The following GREB1L variants were observed in gnomAD, a reference collection of about 807,000 sequenced individuals.
GREB1L encodes the protein GREB1-like protein.
GREB1L carries 17 observed loss-of-function variants against 200.8 expected under a neutral mutation model. The ratio of observed to expected loss-of-function variants is 0.08; its 90% CI spans 0.06 to 0.13. GREB1L has a LOEUF of 0.13. GREB1L is among the 10% of genes least tolerant of loss of function. GREB1L has a pLI of 1.00. For synonymous variants in GREB1L, 789 were observed against 893.0 expected, an observed-to-expected ratio of 0.88 and a Z score of 2.08; for missense variants, 1,657 against 2,367.7, an observed-to-expected ratio of 0.70 and a Z score of 6.23.
intron 2 of GREB1L, among the ~76,000 whole-genome samples, chr18:21,372,537 T>C (rs1365018421): frequency 3.3e-5 from 5 of 152,226 alleles, no homozygotes; most frequent in African/African-American, 1.2e-4. Flanking sequence ...CTGTCGATAG[T>C]GTATTTTATG....
intron 7 of GREB1L, among the ~76,000 whole-genome samples, chr18:21,425,412 A>G (rs1391197637): frequency 6.6e-6 from 1 of 152,178 alleles, no homozygotes; most frequent in Non-Finnish European, 1.5e-5. Flanking sequence ...TCACATTTCA[A>G]ACCTAGGAGT....
intron 21 of GREB1L, 46 bp from the exon 22 acceptor site, chr18:21,499,683 C>A: frequency 7.2e-7 from 1 of 1,379,402 alleles, no homozygotes; most frequent in South Asian, 1.3e-5. Context: ...CACCCTAGAT[C>A]AGTAACAGAG....
intron 1 of GREB1L, among the ~76,000 whole-genome samples, chr18:21,364,724 G>A (rs78137074): frequency 6.6e-6 from 1 of 152,170 alleles, no homozygotes; most frequent in Non-Finnish European, 1.5e-5. Context: ...TCTTAGCTTT[G>A]AGTGTAATTA....
At chr18:21,404,462 T>C (rs1442971600) in intron 7 of GREB1L, among the ~76,000 whole-genome samples, 1 of 152,196 alleles carries the variant, frequency 6.6e-6, no homozygotes, top group Non-Finnish European at 1.5e-5. Context: ...AGGATCTAGT[T>C]TCTAGTGATA....
At chr18:21,359,970 T>G (rs2143521755) in intron 1 of GREB1L, among the ~76,000 whole-genome samples, 1 of 152,350 alleles carries the variant, frequency 6.6e-6, no homozygotes, top group African/African-American at 2.4e-5. Flanking sequence ...GTAGGAGGGT[T>G]GTTTTTTCTG....
rs962025880 is a variant in GREB1L at position 21,383,783 on chromosome 18, G to A, written c.157+108G>A. ...GCTGGAGTGCAGTGGCGTGATCTCG[G>A]CTCACTGCAACGTCTGCCTCCTGGG... On this transcript the variant is annotated intron_variant, in intron 3 of 32. Coordinates refer to ENST00000424526, the MANE Select transcript of GREB1L (RefSeq NM_001142966.3). 1.6e-5 allele frequency: 17 copies of A among 1,083,672 alleles called. No individual in the cohort carries two copies. The African/African-American group carries it at 2.1e-4, about 13-fold the overall frequency. The allele number at this position is 1,083,672 out of a possible 1,614,324, so 67.1% of individuals were successfully genotyped here.
chr18:21,294,928 G>T (rs2038503641), intron 1 of GREB1L, among the ~76,000 whole-genome samples: 1 of 152,054 alleles, frequency 6.6e-6, no homozygotes, highest in African/African-American at 2.4e-5. Flanking sequence ...TCTCAGTTTG[G>T]CATTGTGATG....
intron 2 of GREB1L, among the ~76,000 whole-genome samples, chr18:21,369,513 C>T (rs975288963): frequency 4.6e-5 from 7 of 151,968 alleles, no homozygotes; most frequent in Admixed American, 1.3e-4. Context: ...CCAGTGGTAA[C>T]GTGTACTTCT....
At chr18:21,429,486 G>C (rs1369286819) in intron 7 of GREB1L, among the ~76,000 whole-genome samples, 1 of 151,510 alleles carries the variant, frequency 6.6e-6, no homozygotes, top group Non-Finnish European at 1.5e-5. Flanking sequence ...GGAATTATAG[G>C]TGCAAACCAT....
intron 1 of GREB1L, among the ~76,000 whole-genome samples, chr18:21,276,924 CTTTTT>C (rs573871373): frequency 8.4e-5 from 9 of 107,654 alleles, no homozygotes; most frequent in African/African-American, 3.6e-4. Context: ...CAGCCCAGCC[CTTTTT>C]TTTTTTTTTT....
At chr18:21,296,715 C>T (rs2038533753) in intron 1 of GREB1L, among the ~76,000 whole-genome samples, 1 of 150,836 alleles carries the variant, frequency 6.6e-6, no homozygotes, top group Admixed American at 6.6e-5. Flanking sequence ...AGTGCAGTGG[C>T]GTGATCTCAG....
chr18:21,255,203 C>T (rs1369961080), intron 1 of GREB1L, among the ~76,000 whole-genome samples: 1 of 152,232 alleles, frequency 6.6e-6, no homozygotes, highest in East Asian at 1.9e-4. Context: ...AATCAGTTGT[C>T]TTTCCTGCCT....
At chr18:21,376,575 T>C (rs2040080354) in intron 2 of GREB1L, among the ~76,000 whole-genome samples, 2 of 150,780 alleles carry the variant, frequency 1.3e-5, no homozygotes, top group Non-Finnish European at 3.0e-5. Flanking sequence ...GAGGCCAAGG[T>C]GGGCGGATCA....
At chr18:21,281,570 G>A (rs1276887197) in intron 1 of GREB1L, among the ~76,000 whole-genome samples, 2 of 152,066 alleles carry the variant, frequency 1.3e-5, no homozygotes, top group South Asian at 2.1e-4. Context: ...GGCTAAAAAC[G>A]TCAGAAAAAT....
chr18:21,464,400 C>T (rs1354691360), intron 15 of GREB1L, among the ~76,000 whole-genome samples: 4 of 151,860 alleles, frequency 2.6e-5, no homozygotes, highest in Middle Eastern at 3.4e-3. Context: ...AAAAATTAGC[C>T]GGGCGTAGTG....
At chr18:21,349,798 T>G (rs1334642262) in intron 1 of GREB1L, among the ~76,000 whole-genome samples, 1 of 152,108 alleles carries the variant, frequency 6.6e-6, no homozygotes, top group Non-Finnish European at 1.5e-5. Flanking sequence ...TTATGGTGCA[T>G]TGTATAATTA....
intron 1 of GREB1L, among the ~76,000 whole-genome samples, chr18:21,266,045 G>A (rs1190293625): frequency 6.6e-6 from 1 of 152,116 alleles, no homozygotes; most frequent in East Asian, 1.9e-4. Context: ...TTTAATTTCT[G>A]TATCTCTGTT....
At chr18:21,266,956 C>T (rs1299907314) in intron 1 of GREB1L, among the ~76,000 whole-genome samples, 1 of 152,084 alleles carries the variant, frequency 6.6e-6, no homozygotes, top group East Asian at 1.9e-4. Flanking sequence ...TGTTTGGAGA[C>T]AGAGTCTCAC....
At chr18:21,436,825 C>T (rs187959979) in intron 7 of GREB1L, among the ~76,000 whole-genome samples, 1 of 151,940 alleles carries the variant, frequency 6.6e-6, no homozygotes, top group East Asian at 2.0e-4. Context: ...ACCCTCCCAC[C>T]TCAGCCTCCC....
Sources: allele counts gnomAD v4.1 joint callset (sites outside exome capture counted in the v4.1 genomes callset), GRCh38; gene constraint gnomAD v4.1.1; transcripts MANE v1.5; gene names NCBI Gene and HGNC (gene_info 2026-07-23, HGNC 2026-07-21).